The following SOCS2 variants were observed in gnomAD, a reference collection of about 807,000 sequenced individuals.
SOCS2 encodes suppressor of cytokine signaling 2.
A neutral mutation model predicts 18.6 loss-of-function variants in SOCS2; 10 were observed. The observed-to-expected ratio is 0.54, with a 90% confidence interval of 0.33 to 0.91. The LOEUF (loss-of-function observed/expected upper bound fraction) is 0.91, where lower values mean the gene tolerates loss of function less well. Ranked by LOEUF, SOCS2 falls within the 40% of genes least tolerant of loss-of-function variation. SOCS2 has a pLI of 0.02. For missense variants in SOCS2, 231 were observed against 247.2 expected (o/e 0.93, Z 0.44); for synonymous variants, 104 against 104.0 (o/e 1.00, Z 0.00).
At chr12:93,570,515 CG>C (rs1954204967), upstream of SOCS2, 1 of 152,366 alleles carries the variant, frequency 6.6e-6, no homozygotes, top group Non-Finnish European at 1.5e-5. Context: ...GACCCACAGT[CG>C]CTCCTGCACG....
intron 1 of SOCS2, chr12:93,573,386 A>C (rs2136692394): frequency 2.1e-6 from 1 of 475,204 alleles, no homozygotes. Flanking sequence ...CACGGGGTGC[A>C]ATCAGCAAGT....
the SOCS2 span, among the ~76,000 whole-genome samples, chr12:93,598,313 A>T: frequency 6.6e-6 from 1 of 151,518 alleles, no homozygotes; most frequent in Non-Finnish European, 1.5e-5. Flanking sequence ...GAAGTAGGAG[A>T]TGAGCTCAGA....
the SOCS2 span, among the ~76,000 whole-genome samples, chr12:93,599,256 C>A: frequency 6.7e-6 from 1 of 148,340 alleles, no homozygotes; most frequent in African/African-American, 2.5e-5. Flanking sequence ...CAGGCTCAAG[C>A]AATCCTCCTG....
chr12:93,574,627 T>TA (rs1282691374), intron 1 of SOCS2, 95 bp from the exon 2 acceptor site: 16 of 834,852 alleles, frequency 1.9e-5, no homozygotes, highest in Non-Finnish European at 2.6e-5. Context: ...TTTTTAGAGC[T>TA]AAAAAAATTA....
chr12:93,580,638 A>G (rs1009134902), downstream of SOCS2, among the ~76,000 whole-genome samples: 1 of 151,668 alleles, frequency 6.6e-6, no homozygotes, highest in Non-Finnish European at 1.5e-5. Flanking sequence ...AAAAAAAAAA[A>G]AAGAAAAGGA....
the SOCS2 span, among the ~76,000 whole-genome samples, chr12:93,615,537 A>C: frequency 6.6e-6 from 1 of 152,214 alleles, no homozygotes; most frequent in African/African-American, 2.4e-5. Flanking sequence ...CTCCTCTGAG[A>C]AGTGAAAACA....
chr12:93,590,124 C>T, the SOCS2 span, among the ~76,000 whole-genome samples: 10 of 151,746 alleles, frequency 6.6e-5, no homozygotes, highest in Non-Finnish European at 1.3e-4. Context: ...TGGTGGTGCG[C>T]GCCTATAATC....
the SOCS2 span, among the ~76,000 whole-genome samples, chr12:93,599,870 C>A: frequency 6.6e-6 from 1 of 152,184 alleles, no homozygotes; most frequent in South Asian, 2.1e-4. Context: ...GATTTCCCAG[C>A]CCATAGAAGT....
At chr12:93,587,234 C>T (rs1592839568), downstream of SOCS2, among the ~76,000 whole-genome samples, 1 of 152,132 alleles carries the variant, frequency 6.6e-6, no homozygotes, top group Admixed American at 6.5e-5. Context: ...GAGAAACACA[C>T]AAGCCAGCAT....
At chr12:93,606,537 C>T in the SOCS2 span, among the ~76,000 whole-genome samples, 1 of 152,040 alleles carries the variant, frequency 6.6e-6, no homozygotes, top group African/African-American at 2.4e-5. Context: ...AGTTCTTGGC[C>T]TCCTTGGGAT....
the SOCS2 span, among the ~76,000 whole-genome samples, chr12:93,614,790 T>C: frequency 2.0e-5 from 3 of 151,006 alleles, no homozygotes; most frequent in East Asian, 5.9e-4. Context: ...AATCTTTCTA[T>C]TTTAGTAGGG....
the SOCS2 span, among the ~76,000 whole-genome samples, chr12:93,593,228 G>T: frequency 4.3e-4 from 65 of 152,198 alleles, no homozygotes; most frequent in African/African-American, 1.4e-3. Flanking sequence ...ACGCTGACCC[G>T]ACTCTATATC....
chr12:93,611,743 T>C, the SOCS2 span, among the ~76,000 whole-genome samples: 4 of 152,346 alleles, frequency 2.6e-5, no homozygotes, highest in East Asian at 1.9e-4. Flanking sequence ...GTCCCCAAAA[T>C]GCAGAATTGC....
the SOCS2 span, among the ~76,000 whole-genome samples, chr12:93,614,126 G>A: frequency 6.6e-6 from 1 of 151,392 alleles, no homozygotes; most frequent in East Asian, 1.9e-4. Flanking sequence ...TGACAGACTT[G>A]GAAGCCACTC....
chr12:93,623,312 G>A, the SOCS2 span, among the ~76,000 whole-genome samples: 1 of 152,106 alleles, frequency 6.6e-6, no homozygotes, highest in South Asian at 2.1e-4. Context: ...ATGATTATAA[G>A]TTTCCTGAGG....
At chr12:93,584,695 C>T (rs976142955), downstream of SOCS2, among the ~76,000 whole-genome samples, 1 of 152,068 alleles carries the variant, frequency 6.6e-6, no homozygotes, top group Admixed American at 6.5e-5. Context: ...AGAAGTAATG[C>T]AAGATCTGCC....
the SOCS2 span, among the ~76,000 whole-genome samples, chr12:93,601,060 G>C: frequency 6.6e-6 from 1 of 150,502 alleles, no homozygotes; most frequent in African/African-American, 2.4e-5. Flanking sequence ...GAAAGTGTTG[G>C]GATTATGGGT....
chr12:93,579,360 C>T (rs1182912105), downstream of SOCS2, among the ~76,000 whole-genome samples: 1 of 152,174 alleles, frequency 6.6e-6, no homozygotes, highest in Non-Finnish European at 1.5e-5. Flanking sequence ...TTTGGACTAC[C>T]TTAAGATTAA....
chr12:93,617,063 G>A, the SOCS2 span, among the ~76,000 whole-genome samples: 14 of 152,166 alleles, frequency 9.2e-5, no homozygotes, highest in African/African-American at 1.9e-4. Flanking sequence ...GTGCTGGGCC[G>A]TGTCCATTGA....
Sources: allele counts gnomAD v4.1 joint callset (sites outside exome capture counted in the v4.1 genomes callset), GRCh38; gene constraint gnomAD v4.1.1; transcripts MANE v1.5; gene names NCBI Gene and HGNC (gene_info 2026-07-23, HGNC 2026-07-21).